KIAA1328: variants seen among roughly 807,000 people sequenced by gnomAD.
KIAA1328 encodes protein hinderin.
Under a neutral mutation model 68.1 loss-of-function variants are expected in KIAA1328, and 52 were observed. The observed-to-expected ratio is 0.76, with a 90% CI of 0.61 to 0.96. The LOEUF is 0.96. KIAA1328 is among the 40% of genes least tolerant of loss of function. The pLI, the probability that KIAA1328 is intolerant of heterozygous loss-of-function variation, is 0.00. For synonymous variants in KIAA1328, 232 were observed against 239.4 expected, an observed-to-expected ratio of 0.97 and a Z score of 0.28; for missense variants, 641 against 677.6, an observed-to-expected ratio of 0.95 and a Z score of 0.60.
chr18:37,214,116 G>A (rs982751532), intron 9 of KIAA1328, among the ~76,000 whole-genome samples: 1 of 152,066 alleles, frequency 6.6e-6, no homozygotes, highest in Admixed American at 6.5e-5. Context: ...TCACTCTGAT[G>A]GTAGTTTCTT....
In KIAA1328 at chr18:36,912,429, T is replaced by TAGAGAAG. The variant is rs781503439; in HGVS notation, c.448+26757_448+26758insAGAGAAG. 4.6e-3 allele frequency among the ~76,000 whole-genome samples: 697 copies of TAGAGAAG among 152,314 alleles called. 6 individuals carry two copies. Among genetic ancestry groups the TAGAGAAG allele is most frequent in the South Asian group, 0.031 (148 of 4,826 alleles). On this transcript the variant is annotated intron_variant, in intron 5 of 9. Coordinates refer to ENST00000280020, the MANE Select transcript of KIAA1328 (RefSeq NM_020776.3). ...TTTCTGACTCTCTTTTTCTTCTCTATTATAAGGACTCCTGTAATTACATTG... is the reference window on the plus strand; with the variant it reads ...TTTCTGACTCTCTTTTTCTTCTCTATAGAGAAGTATAAGGACTCCTGTAATTACATTG...
chr18:36,995,837 A>C (rs2053368605), intron 6 of KIAA1328, among the ~76,000 whole-genome samples: 2 of 152,234 alleles, frequency 1.3e-5, no homozygotes, highest in Admixed American at 1.3e-4. Flanking sequence ...GATTTTTAGT[A>C]AAATTAAATT....
chr18:37,129,690 T>C (rs1472683993), intron 7 of KIAA1328, among the ~76,000 whole-genome samples: 3 of 152,238 alleles, frequency 2.0e-5, no homozygotes, highest in Non-Finnish European at 4.4e-5. Context: ...CAATAGTAAA[T>C]ATTTACATAA....
At chr18:36,876,413 G>A (rs2048128561) in intron 4 of KIAA1328, among the ~76,000 whole-genome samples, 1 of 152,148 alleles carries the variant, frequency 6.6e-6, no homozygotes. Context: ...GAAGGTGTAT[G>A]TGTCTAGGAA....
chr18:36,861,899 G>A (rs2047575698), intron 4 of KIAA1328, among the ~76,000 whole-genome samples: 2 of 151,768 alleles, frequency 1.3e-5, no homozygotes, highest in African/African-American at 4.8e-5. Context: ...TGAACTCCTG[G>A]GCTCACACCA....
At chr18:37,156,073 T>G (rs1054485781) in intron 7 of KIAA1328, among the ~76,000 whole-genome samples, 6 of 151,988 alleles carry the variant, frequency 3.9e-5, no homozygotes, top group African/African-American at 1.5e-4. Context: ...AAATTCTGTT[T>G]CCACGTCTGT....
chr18:36,911,030 T>G (rs554181220), intron 5 of KIAA1328, among the ~76,000 whole-genome samples: 1 of 152,184 alleles, frequency 6.6e-6, no homozygotes, highest in Admixed American at 6.5e-5. Context: ...TACTCTCCAA[T>G]GGTGGCTTTC....
At chr18:37,071,250 G>A (rs2056522262) in intron 7 of KIAA1328, among the ~76,000 whole-genome samples, 1 of 151,126 alleles carries the variant, frequency 6.6e-6, no homozygotes, top group Non-Finnish European at 1.5e-5. Context: ...TTTTTGCATT[G>A]TTTGTAGAGA....
At chr18:36,903,458 A>C (rs1237772840) in intron 5 of KIAA1328, among the ~76,000 whole-genome samples, 1 of 152,126 alleles carries the variant, frequency 6.6e-6, no homozygotes, top group Non-Finnish European at 1.5e-5. Flanking sequence ...GGGGAAGGGC[A>C]GAAGGACTGA....
intron 6 of KIAA1328, among the ~76,000 whole-genome samples, chr18:37,005,679 A>T (rs1455028497): frequency 6.6e-6 from 1 of 152,158 alleles, no homozygotes; most frequent in Non-Finnish European, 1.5e-5. Context: ...CTGTTCACAA[A>T]AGCAAAGATA....
Position 37,217,293 on chromosome 18 carries a change from CG to C in KIAA1328, c.1524-4722del, listed in dbSNP as rs2060463170. Among the ~76,000 whole-genome samples, 8 of 152,232 alleles carry C rather than the reference CG, an allele frequency of 5.3e-5. No homozygotes were observed. The South Asian group carries it at 1.5e-3, about 28-fold the overall frequency. ...GTCTTTACAATTTGGCATGTTTTTG[CG>C]GTGGCTGGTACCGGTTGTTCCTTTC... On this transcript the variant is annotated intron_variant, in intron 9 of 9. Coordinates refer to ENST00000280020, the MANE Select transcript of KIAA1328 (RefSeq NM_020776.3).
chr18:36,867,041 T>C (rs1204424182), intron 4 of KIAA1328, among the ~76,000 whole-genome samples: 1 of 152,148 alleles, frequency 6.6e-6, no homozygotes, highest in Non-Finnish European at 1.5e-5. Context: ...ATAAAACAAA[T>C]AACATGTGAT....
chr18:37,022,303 G>T (rs1389714582), intron 6 of KIAA1328, among the ~76,000 whole-genome samples: 1 of 152,128 alleles, frequency 6.6e-6, no homozygotes, highest in African/African-American at 2.4e-5. Context: ...GGAAGGTATA[G>T]ATTTTAATAT....
chr18:36,949,610 C>A (rs1253712626), intron 5 of KIAA1328, among the ~76,000 whole-genome samples: 3 of 102,028 alleles, frequency 2.9e-5, no homozygotes, highest in East Asian at 4.9e-4. Context: ...CCCCCCCCCA[C>A]CCCCCGATCT....
intron 6 of KIAA1328, among the ~76,000 whole-genome samples, chr18:37,059,041 C>A (rs2056041813): frequency 6.6e-6 from 1 of 151,148 alleles, no homozygotes; most frequent in South Asian, 2.1e-4. Context: ...TTAGAAGGAA[C>A]AGTATAGAGT....
At chr18:36,977,527 C>G (rs1487393941) in intron 6 of KIAA1328, among the ~76,000 whole-genome samples, 1 of 152,152 alleles carries the variant, frequency 6.6e-6, no homozygotes, top group African/African-American at 2.4e-5. Flanking sequence ...TACATGTCTA[C>G]TCTTACTTGG....
chr18:37,183,152 G>A (rs1011017417), intron 9 of KIAA1328, among the ~76,000 whole-genome samples: 5 of 152,098 alleles, frequency 3.3e-5, no homozygotes, highest in Non-Finnish European at 7.4e-5. Flanking sequence ...AGATGATAGG[G>A]TTAAGATATT....
intron 6 of KIAA1328, among the ~76,000 whole-genome samples, chr18:36,979,805 A>G (rs2052611974): frequency 6.6e-6 from 1 of 152,208 alleles, no homozygotes; most frequent in East Asian, 1.9e-4. Flanking sequence ...CAAAGAAAGG[A>G]GAAGAGACTC....
chr18:37,029,546 T>C (rs996811512), intron 6 of KIAA1328, among the ~76,000 whole-genome samples: 1 of 152,150 alleles, frequency 6.6e-6, no homozygotes, highest in African/African-American at 2.4e-5. Flanking sequence ...GCTAATTTTT[T>C]GTAGAGACAG....
Sources: allele counts gnomAD v4.1 joint callset (sites outside exome capture counted in the v4.1 genomes callset), GRCh38; gene constraint gnomAD v4.1.1; transcripts MANE v1.5; gene names NCBI Gene and HGNC (gene_info 2026-07-23, HGNC 2026-07-21).